Variants in KDM4C observed in about 807,000 individuals in gnomAD.
KDM4C encodes the protein lysine demethylase 4C, also known as lysine-specific demethylase 4C.
Under a neutral mutation model 129.3 loss-of-function variants are expected in KDM4C, and 81 were observed. The observed-to-expected ratio is 0.63, with a 90% confidence interval of 0.52 to 0.75. The LOEUF is 0.75. KDM4C is among the 30% of genes least tolerant of loss of function. The pLI is 0.00. For missense variants in KDM4C, 1,457 were observed against 1,304.0 expected, an observed-to-expected ratio of 1.12 and a Z score of -1.81; for synonymous variants, 573 against 456.1, an observed-to-expected ratio of 1.26 and a Z score of -3.26.
intron 1 of KDM4C, among the ~76,000 whole-genome samples, chr9:6,790,741 T>C (rs541257491): frequency 6.7e-6 from 1 of 149,568 alleles, no homozygotes; most frequent in Non-Finnish European, 1.5e-5. Context: ...CAGGTCCTAA[T>C]GGATTTAGAA....
intron 1 of KDM4C, among the ~76,000 whole-genome samples, chr9:6,735,481 G>A (rs1817499610): frequency 6.6e-6 from 1 of 152,204 alleles, no homozygotes; most frequent in Non-Finnish European, 1.5e-5. Flanking sequence ...GGAACCTGGT[G>A]GGAGGTGATT....
intron 15 of KDM4C, among the ~76,000 whole-genome samples, chr9:7,016,425 CTT>C (rs759501262): frequency 9.7e-6 from 1 of 102,720 alleles, no homozygotes. Context: ...CTGTTCCTGG[CTT>C]TTTTTTTTTT....
At chr9:7,110,903 C>T (rs949439411) in intron 18 of KDM4C, among the ~76,000 whole-genome samples, 2 of 152,156 alleles carry the variant, frequency 1.3e-5, no homozygotes, top group Non-Finnish European at 2.9e-5. Flanking sequence ...CTTATCCCAG[C>T]ACTTGTTTAG....
At chr9:6,934,219 C>G (rs62533789) in intron 8 of KDM4C, among the ~76,000 whole-genome samples, 4 of 151,616 alleles carry the variant, frequency 2.6e-5, no homozygotes, top group Admixed American at 2.6e-4. Context: ...CGGGGTCTCA[C>G]GCCGGTAATC....
chr9:7,154,632 C>T (rs1233679977), intron 19 of KDM4C, among the ~76,000 whole-genome samples: 2 of 152,140 alleles, frequency 1.3e-5, no homozygotes, highest in African/African-American at 2.4e-5. Context: ...GAGTTTGGCC[C>T]TGACTTTGGC....
intron 1 of KDM4C, chr9:6,727,384 G>C (rs1353646504): frequency 6.6e-6 from 1 of 151,672 alleles, no homozygotes; most frequent in Non-Finnish European, 1.5e-5. Context: ...CTGCGAGGTA[G>C]AGGTTGTAGT....
At chr9:6,938,855 TAA>T (rs869091575) in intron 8 of KDM4C, among the ~76,000 whole-genome samples, 1 of 148,622 alleles carries the variant, frequency 6.7e-6, no homozygotes, top group Non-Finnish European at 1.5e-5. Context: ...ACACTAATAA[TAA>T]AATATTATTG....
intron 19 of KDM4C, among the ~76,000 whole-genome samples, chr9:7,150,060 A>G (rs1842587275): frequency 6.6e-6 from 1 of 152,202 alleles, no homozygotes; most frequent in African/African-American, 2.4e-5. Context: ...GGTCAGGGCT[A>G]CAACTCTGTC....
At chr9:6,794,253 T>G (rs1477271795) in intron 2 of KDM4C, among the ~76,000 whole-genome samples, 1 of 152,222 alleles carries the variant, frequency 6.6e-6, no homozygotes, top group Admixed American at 6.5e-5. Context: ...TTGTAGCATC[T>G]TAGAATGATG....
chr9:7,085,770 C>T (rs1050731881), intron 17 of KDM4C, among the ~76,000 whole-genome samples: 2 of 152,086 alleles, frequency 1.3e-5, no homozygotes, highest in African/African-American at 2.4e-5. Context: ...TGGGCCTATG[C>T]GTTAACCCCT....
At chr9:7,014,229 T>C (rs1328624540) in intron 14 of KDM4C, 1 of 444,482 alleles carries the variant, frequency 2.2e-6, no homozygotes, top group African/African-American at 2.0e-5. Flanking sequence ...TTTTTTTTGT[T>C]GGTTTGTTTG....
intron 18 of KDM4C, among the ~76,000 whole-genome samples, chr9:7,108,767 T>C (rs1837990404): frequency 6.6e-6 from 1 of 152,222 alleles, no homozygotes; most frequent in Non-Finnish European, 1.5e-5. Context: ...CAGTGAAACA[T>C]TCTAGGCCTC....
intron 8 of KDM4C, among the ~76,000 whole-genome samples, chr9:6,936,167 A>C (rs1440654287): frequency 6.6e-6 from 1 of 152,164 alleles, no homozygotes; most frequent in Non-Finnish European, 1.5e-5. Context: ...TTCCATAAAC[A>C]AACAATATAA....
chr9:6,917,627 C>T (rs929453118), intron 8 of KDM4C, among the ~76,000 whole-genome samples: 3 of 152,294 alleles, frequency 2.0e-5, no homozygotes, highest in South Asian at 2.1e-4. Flanking sequence ...GAGTTGTTCA[C>T]GATGCCCAGC....
chr9:6,854,744 G>A (rs560766980), intron 5 of KDM4C, among the ~76,000 whole-genome samples: 67 of 152,286 alleles, frequency 4.4e-4, no homozygotes, highest in African/African-American at 1.6e-3. Context: ...AAAATACTGT[G>A]TAGCAGTTAA....
chr9:7,021,093 G>T (rs1824743333), intron 15 of KDM4C, among the ~76,000 whole-genome samples: 1 of 149,006 alleles, frequency 6.7e-6, no homozygotes. Flanking sequence ...TCATACACCT[G>T]TTTGTCATTT....
chr9:6,898,047 G>A (rs114711151), intron 8 of KDM4C, among the ~76,000 whole-genome samples: 2 of 152,078 alleles, frequency 1.3e-5, no homozygotes, highest in Non-Finnish European at 2.9e-5. Context: ...AGCGCCGGCC[G>A]GCAGGTTGTA....
chr9:7,038,087 G>T (rs940579612), intron 15 of KDM4C, among the ~76,000 whole-genome samples: 1 of 151,976 alleles, frequency 6.6e-6, no homozygotes, highest in Admixed American at 6.6e-5. Context: ...AAAGAGTCTG[G>T]AAGAGATCAT....
intron 9 of KDM4C, among the ~76,000 whole-genome samples, chr9:6,982,957 G>C (rs912289508): frequency 3.3e-5 from 5 of 152,184 alleles, no homozygotes; most frequent in Non-Finnish European, 7.3e-5. Flanking sequence ...TCTCCCTTTG[G>C]AAATAGCCCA....
Sources: allele counts gnomAD v4.1 joint callset (sites outside exome capture counted in the v4.1 genomes callset), GRCh38; gene constraint gnomAD v4.1.1; transcripts MANE v1.5; gene names NCBI Gene and HGNC (gene_info 2026-07-23, HGNC 2026-07-21).